The following TGFBR3 variants were observed in gnomAD, a reference collection of about 807,000 sequenced individuals.
The protein encoded by TGFBR3 is transforming growth factor beta receptor type 3.
In TGFBR3, 46 loss-of-function variants were observed where a neutral mutation model predicts 87.9. The observed-to-expected ratio is 0.52, with a 90% CI of 0.41 to 0.67. The LOEUF (loss-of-function observed/expected upper bound fraction) is 0.67, where lower values mean the gene tolerates loss of function less well. Among genes scored for constraint, TGFBR3 ranks in the 30% least tolerant of loss-of-function variants. The pLI is 0.00. For missense variants in TGFBR3, 866 were observed against 1,041.9 expected (o/e 0.83, Z 2.32); for synonymous variants, 381 against 391.6 (o/e 0.97, Z 0.32).
intron 1 of TGFBR3, among the ~76,000 whole-genome samples, chr1:91,904,387 G>C (rs1679798943): frequency 6.8e-6 from 1 of 146,462 alleles, no homozygotes; most frequent in South Asian, 2.2e-4. Context: ...GCCCATGCTT[G>C]AGCACATTAC....
intron 13 of TGFBR3, 145 bp downstream of exon 13, chr1:91,712,098 C>A: frequency 1.3e-6 from 1 of 749,816 alleles, no homozygotes; most frequent in South Asian, 1.6e-5. Flanking sequence ...ATAAAACTCA[C>A]AGTTCCCTGC....
chr1:91,783,840 G>A (rs193174090), intron 3 of TGFBR3, among the ~76,000 whole-genome samples: 12 of 152,232 alleles, frequency 7.9e-5, no homozygotes, highest in African/African-American at 2.4e-4. Flanking sequence ...AATAATACAC[G>A]GTAGAGTAAA....
chr1:91,685,067 C>T (rs1250771485), intron 16 of TGFBR3, among the ~76,000 whole-genome samples: 2 of 152,142 alleles, frequency 1.3e-5, no homozygotes, highest in African/African-American at 4.8e-5. Flanking sequence ...CCCTCAAAAG[C>T]CTCTGTGAAA....
intron 2 of TGFBR3, among the ~76,000 whole-genome samples, chr1:91,804,247 A>C (rs1675752925): frequency 6.6e-6 from 1 of 152,092 alleles, no homozygotes; most frequent in African/African-American, 2.4e-5. Context: ...ATCAAGTCCC[A>C]GTTGGGGCTT....
At chr1:91,897,557 C>T (rs60748985) in intron 2 of TGFBR3, among the ~76,000 whole-genome samples, 3,001 of 152,142 alleles carry the variant, frequency 0.02, 107 homozygotes, top group African/African-American at 0.069. Flanking sequence ...TCCAAATGGC[C>T]GAAAGGTCAA....
At chr1:91,769,505 C>T (rs980437619) in intron 3 of TGFBR3, among the ~76,000 whole-genome samples, 7 of 152,106 alleles carry the variant, frequency 4.6e-5, no homozygotes, top group Non-Finnish European at 7.4e-5. Flanking sequence ...TCCTGAGTCA[C>T]GCTCCCAAAG....
chr1:91,846,670 G>A (rs966839674), intron 2 of TGFBR3, among the ~76,000 whole-genome samples: 3 of 151,890 alleles, frequency 2.0e-5, no homozygotes, highest in Non-Finnish European at 4.4e-5. Context: ...TGTCACCCCC[G>A]AAAAGGGTTA....
intron 2 of TGFBR3, among the ~76,000 whole-genome samples, chr1:91,850,342 T>C (rs918846483): frequency 8.5e-5 from 13 of 152,188 alleles, no homozygotes; most frequent in African/African-American, 3.1e-4. Context: ...GCAGGAGCTA[T>C]AGAGCATTTT....
At chr1:91,699,924 T>C (rs1362815615) in intron 14 of TGFBR3, among the ~76,000 whole-genome samples, 1 of 152,256 alleles carries the variant, frequency 6.6e-6, no homozygotes. Context: ...CCACCACCTA[T>C]TTTTGTATGG....
chr1:91,815,301 A>AAAAAT (rs71586714), intron 2 of TGFBR3, among the ~76,000 whole-genome samples: 33,994 of 140,986 alleles, frequency 0.24, 5,073 homozygotes, highest in Admixed American at 0.37. Context: ...GACTCCATCT[A>AAAAAT]AAAATAAAAT....
chr1:91,827,970 C>T (rs1034994222), intron 2 of TGFBR3, among the ~76,000 whole-genome samples: 1 of 152,210 alleles, frequency 6.6e-6, no homozygotes, highest in African/African-American at 2.4e-5. Context: ...CACTGGGTAA[C>T]TATGAATGGA....
In TGFBR3 at chr1:91,680,701, G is replaced by A. The variant is rs1208703607; in HGVS notation, c.*3038C>T. 2.2e-6 allele frequency: 1 copy of A among 453,906 alleles called. No individual in the cohort carries two copies. The highest frequency in any genetic ancestry group is 2.0e-5 in the African/African-American group (1 of 49,974). The allele number at this position is 453,906 out of a possible 1,614,324, so 28.1% of individuals were successfully genotyped here. ...GGACTCACCCAACAAAATGTGCTCT[G>A]TTAACACAACCAGCAGTACAATCAT... On this transcript the variant is annotated 3_prime_UTR_variant, in exon 17 of 17. Coordinates refer to ENST00000212355, the MANE Select transcript of TGFBR3 (RefSeq NM_003243.5).
At chr1:91,880,398 G>C (rs1679032870) in intron 1 of TGFBR3, among the ~76,000 whole-genome samples, 1 of 152,088 alleles carries the variant, frequency 6.6e-6, no homozygotes, top group Non-Finnish European at 1.5e-5. Flanking sequence ...AGGAGATTGA[G>C]ACCATCCTAG....
At chr1:91,796,186 T>C (rs1219340598) in intron 3 of TGFBR3, among the ~76,000 whole-genome samples, 1 of 152,204 alleles carries the variant, frequency 6.6e-6, no homozygotes, top group African/African-American at 2.4e-5. Context: ...AAAAACAGAA[T>C]ACTCTGTGTT....
intron 1 of TGFBR3, among the ~76,000 whole-genome samples, chr1:91,864,603 G>A (rs1054762192): frequency 1.3e-5 from 2 of 152,170 alleles, no homozygotes; most frequent in African/African-American, 4.8e-5. Flanking sequence ...CCAGTGTGGT[G>A]AAAGATTCCC....
At chr1:91,810,967 G>C (rs1235569871) in intron 2 of TGFBR3, among the ~76,000 whole-genome samples, 1 of 152,200 alleles carries the variant, frequency 6.6e-6, no homozygotes, top group Non-Finnish European at 1.5e-5. Flanking sequence ...GCGCTTTCTA[G>C]CAGGCAGGAT....
chr1:91,890,255 G>A (rs1679416386), upstream of TGFBR3, among the ~76,000 whole-genome samples: 1 of 152,024 alleles, frequency 6.6e-6, no homozygotes, highest in Non-Finnish European at 1.5e-5. Flanking sequence ...TCCTGTAGGT[G>A]TGGACTCACA....
chr1:91,734,734 C>T, intron 5 of TGFBR3, 42 bp downstream of exon 5: 2 of 1,605,150 alleles, frequency 1.2e-6, no homozygotes, highest in Non-Finnish European at 1.7e-6. Context: ...AAACAATTGC[C>T]TGTCATAAAT....
At chr1:91,868,524 A>T (rs1264721040) in intron 1 of TGFBR3, among the ~76,000 whole-genome samples, 2 of 152,114 alleles carry the variant, frequency 1.3e-5, no homozygotes, top group Non-Finnish European at 2.9e-5. Context: ...AGTTACAGGG[A>T]TCTGGCTGCA....
Sources: allele counts gnomAD v4.1 joint callset (sites outside exome capture counted in the v4.1 genomes callset), GRCh38; gene constraint gnomAD v4.1.1; transcripts MANE v1.5; gene names NCBI Gene and HGNC (gene_info 2026-07-23, HGNC 2026-07-21).